The following CTNNA2 variants were observed in gnomAD, a reference collection of about 807,000 sequenced individuals.
CTNNA2 encodes catenin alpha 2.
A neutral mutation model predicts 101.0 loss-of-function variants in CTNNA2; 42 were observed. The ratio of observed to expected loss-of-function variants is 0.42; its 90% CI spans 0.32 to 0.54. The LOEUF is 0.54. Among genes scored for constraint, CTNNA2 ranks in the 20% least tolerant of loss-of-function variants. The probability of loss-of-function intolerance (pLI) is 0.14; values close to 1 mark genes in which losing one functional copy is unlikely to be tolerated. For missense variants in CTNNA2, 871 were observed against 1,223.1 expected (o/e 0.71, Z 4.29); for synonymous variants, 450 against 456.4 (o/e 0.99, Z 0.18).
intron 7 of CTNNA2, among the ~76,000 whole-genome samples, chr2:80,364,458 T>C (rs1468118306): frequency 6.6e-6 from 1 of 152,138 alleles, no homozygotes; most frequent in Non-Finnish European, 1.5e-5. Context: ...CTCTTTGCCT[T>C]ATTTTAGTCG....
intron 3 of CTNNA2, among the ~76,000 whole-genome samples, chr2:79,835,662 C>CTTT (rs1405806885): frequency 1.4e-5 from 1 of 72,916 alleles, no homozygotes; most frequent in Non-Finnish European, 2.3e-5. Flanking sequence ...AATGGCCTCT[C>CTTT]TTTGTTTTTT....
chr2:79,385,133 AG>A (rs1162892879), intron 4 of CTNNA2, among the ~76,000 whole-genome samples: 2 of 152,168 alleles, frequency 1.3e-5, no homozygotes, highest in Non-Finnish European at 2.9e-5. Flanking sequence ...TTCTTGAGTC[AG>A]AGTCTTCAAG....
At chr2:79,476,100 A>C (rs1201210866) in intron 4 of CTNNA2, among the ~76,000 whole-genome samples, 1 of 152,210 alleles carries the variant, frequency 6.6e-6, no homozygotes, top group Non-Finnish European at 1.5e-5. Flanking sequence ...ACTAAGTCCA[A>C]GATCACCCAG....
At chr2:80,590,831 A>G (rs1696424360) in intron 15 of CTNNA2, among the ~76,000 whole-genome samples, 1 of 152,192 alleles carries the variant, frequency 6.6e-6, no homozygotes, top group African/African-American at 2.4e-5. Flanking sequence ...GACTTCACAC[A>G]TTTATTTCAC....
At chr2:79,196,199 T>A (rs1036098813) in intron 1 of CTNNA2, among the ~76,000 whole-genome samples, 12 of 152,198 alleles carry the variant, frequency 7.9e-5, no homozygotes, top group African/African-American at 2.9e-4. Context: ...CCCAAAGTGC[T>A]GGGATTATAG....
chr2:80,046,894 A>G (rs1696566054), intron 7 of CTNNA2, among the ~76,000 whole-genome samples: 1 of 152,228 alleles, frequency 6.6e-6, no homozygotes, highest in Non-Finnish European at 1.5e-5. Context: ...TGCCCAGGTT[A>G]AGAGGTATAG....
At chr2:79,495,562 CT>C (rs1458358644) in intron 4 of CTNNA2, among the ~76,000 whole-genome samples, 2 of 152,142 alleles carry the variant, frequency 1.3e-5, no homozygotes, top group African/African-American at 4.8e-5. Context: ...AGTTTGTCAT[CT>C]CCTTAAAATA....
At chr2:79,692,833 T>G (rs1017410587) in intron 2 of CTNNA2, among the ~76,000 whole-genome samples, 2 of 123,352 alleles carry the variant, frequency 1.6e-5, no homozygotes, top group Non-Finnish European at 3.2e-5. Flanking sequence ...TGAGAACACA[T>G]GGACACAGGG....
At chr2:79,807,427 T>C (rs1239108166) in intron 3 of CTNNA2, among the ~76,000 whole-genome samples, 1 of 152,274 alleles carries the variant, frequency 6.6e-6, no homozygotes, top group African/African-American at 2.4e-5. Flanking sequence ...CATTTTTTCA[T>C]ATTAAAAACA....
intron 7 of CTNNA2, among the ~76,000 whole-genome samples, chr2:80,146,713 T>TTG (rs1703361485): frequency 1.5e-5 from 1 of 68,028 alleles, no homozygotes; most frequent in Admixed American, 1.3e-4. Flanking sequence ...CCCTCTGGTT[T>TTG]TTTTTTTTTT....
chr2:79,271,093 A>T (rs1332934150), intron 2 of CTNNA2, among the ~76,000 whole-genome samples: 1 of 152,160 alleles, frequency 6.6e-6, no homozygotes, highest in Non-Finnish European at 1.5e-5. Flanking sequence ...ATGAGACATG[A>T]AAGTGAGAGA....
At chr2:80,132,761 TTCTC>T (rs919114093) in intron 7 of CTNNA2, among the ~76,000 whole-genome samples, 4 of 152,184 alleles carry the variant, frequency 2.6e-5, no homozygotes, top group Admixed American at 6.5e-5. Flanking sequence ...CACATTGTTA[TTCTC>T]TCTATTTTGT....
intron 7 of CTNNA2, among the ~76,000 whole-genome samples, chr2:80,287,955 T>A (rs1466778787): frequency 6.6e-6 from 1 of 152,216 alleles, no homozygotes. Flanking sequence ...AATACAGATA[T>A]GTGGGCTTAG....
At chr2:80,100,066 A>C (rs572122352) in intron 7 of CTNNA2, among the ~76,000 whole-genome samples, 1 of 152,046 alleles carries the variant, frequency 6.6e-6, no homozygotes, top group Non-Finnish European at 1.5e-5. Context: ...AGTAGCTGGG[A>C]TTACAGGTGC....
intron 9 of CTNNA2, among the ~76,000 whole-genome samples, chr2:80,498,074 T>A (rs1351813230): frequency 2.0e-5 from 3 of 152,202 alleles, no homozygotes; most frequent in Non-Finnish European, 4.4e-5. Context: ...ATGAATACAA[T>A]TCCAATTTCC....
At chr2:80,040,536 A>G (rs1004939994) in intron 7 of CTNNA2, among the ~76,000 whole-genome samples, 4 of 152,156 alleles carry the variant, frequency 2.6e-5, no homozygotes, top group African/African-American at 9.7e-5. Flanking sequence ...CACCTTCACC[A>G]TTATTCAAAT....
At chr2:79,613,745 C>A (rs995088515) in intron 1 of CTNNA2, among the ~76,000 whole-genome samples, 1 of 152,116 alleles carries the variant, frequency 6.6e-6, no homozygotes, top group South Asian at 2.1e-4. Flanking sequence ...GTCTCCAACT[C>A]CTGATCTCAA....
At chr2:79,804,400 C>T (rs1676402291) in intron 3 of CTNNA2, among the ~76,000 whole-genome samples, 1 of 152,116 alleles carries the variant, frequency 6.6e-6, no homozygotes, top group Non-Finnish European at 1.5e-5. Context: ...TGCACCCTGG[C>T]TGGTATTTTT....
At chr2:80,096,695 T>C (rs1700175220) in intron 7 of CTNNA2, among the ~76,000 whole-genome samples, 1 of 152,226 alleles carries the variant, frequency 6.6e-6, no homozygotes, top group Non-Finnish European at 1.5e-5. Flanking sequence ...TGCTCTTGTA[T>C]TGGGTGCATA....
Sources: gnomAD v4.1 joint callset for allele counts (sites outside exome capture counted in the v4.1 genomes callset) on GRCh38, gnomAD v4.1.1 for gene constraint, MANE v1.5 for transcripts, NCBI Gene and HGNC (gene_info 2026-07-23, HGNC 2026-07-21) for gene names.